The following VILL variants were observed in gnomAD, a reference collection of about 807,000 sequenced individuals.
VILL encodes the protein villin-like protein.
VILL carries 102 observed loss-of-function variants against 106.3 expected under a neutral mutation model. The observed-to-expected ratio is 0.96, with a 90% CI of 0.82 to 1.13. The LOEUF (loss-of-function observed/expected upper bound fraction) is 1.13. Among genes scored for constraint, VILL ranks in the 50% most tolerant of loss-of-function variants. The pLI, the probability that VILL is intolerant of heterozygous loss-of-function variation, is 0.00. For synonymous variants in VILL, 431 were observed against 440.3 expected (o/e 0.98, Z 0.27); for missense variants, 1,076 against 1,116.6 (o/e 0.96, Z 0.52).
Position 38,006,925 on chromosome 3 carries a change from C to T in VILL, c.2458-17C>T, listed in dbSNP as rs373578988. ...ATGACACCCTACCCTGTACCTCCCCCTCTCTCCCCTGCCCAGTTCTATCTC... is the reference window on the plus strand; with the variant it reads ...ATGACACCCTACCCTGTACCTCCCCTTCTCTCCCCTGCCCAGTTCTATCTC... On this transcript the variant is annotated splice_polypyrimidine_tract_variant and intron_variant, in intron 19 of 19. Transcript: ENST00000383759. The T allele has an allele frequency of 1.1e-4, 183 of 1,606,736 alleles. No individual in the cohort carries two copies. The highest frequency in any genetic ancestry group is 1.5e-4 in the Non-Finnish European group (175 of 1,173,830).
At chr3:37,989,321 G>T (rs1451203652), upstream of VILL, among the ~76,000 whole-genome samples, 2 of 152,186 alleles carry the variant, frequency 1.3e-5, no homozygotes, top group Non-Finnish European at 2.9e-5. Context: ...GACTTAGGCC[G>T]GGGCAAGGTT....
In VILL at chr3:37,993,624, A is replaced by T; in HGVS notation, c.-49A>T. The T allele has an allele frequency of 1.2e-5, 19 of 1,579,440 alleles. No individual in the cohort carries two copies. The highest frequency in any genetic ancestry group is 5.1e-5 in the Admixed American group (3 of 58,374). On this transcript the variant is annotated 5_prime_UTR_variant, in exon 2 of 20. Transcript: ENST00000383759. ...CCAGGTGTCGGTCTCCAGCCTGAGAACTCTGGCTGTTGTTCCTTGTGTCGT... is the reference window on the plus strand; with the variant it reads ...CCAGGTGTCGGTCTCCAGCCTGAGATCTCTGGCTGTTGTTCCTTGTGTCGT...
chr3:37,991,866 G>A (rs1284493002), intron 1 of VILL, among the ~76,000 whole-genome samples: 2 of 152,046 alleles, frequency 1.3e-5, no homozygotes, highest in African/African-American at 4.8e-5. Context: ...TGTGGGGAGG[G>A]AGGAGGCCCC....
At chr3:37,988,559 C>T (rs777652262), upstream of VILL, among the ~76,000 whole-genome samples, 4 of 152,126 alleles carry the variant, frequency 2.6e-5, no homozygotes, top group Admixed American at 6.5e-5. Flanking sequence ...ACCACAGAAC[C>T]GTATACTTAA....
intron 11 of VILL, chr3:38,001,178 C>T: frequency 1.8e-6 from 1 of 558,722 alleles, no homozygotes; most frequent in East Asian, 3.2e-5. Flanking sequence ...AGGGTTGTGG[C>T]TGGTGGGGTT....
chr3:38,003,103 G>C (rs1481397945), intron 14 of VILL, 65 bp from the exon 15 acceptor site: 1 of 1,574,602 alleles, frequency 6.4e-7, no homozygotes, highest in East Asian at 2.2e-5. Flanking sequence ...CCTGTGAACG[G>C]GACGTGGGGC....
At position 37,997,456 on chromosome 3, in the gene VILL, C is replaced by T. The variant is rs1199384449; in HGVS notation, c.562-27C>T. The T allele has an allele frequency of 6.2e-7, 1 of 1,610,016 alleles. No individual in the cohort carries two copies. The highest frequency in any genetic ancestry group is 8.5e-7 in the Non-Finnish European group (1 of 1,179,062). On this transcript the variant is annotated intron_variant, in intron 6 of 19. Transcript: ENST00000383759. The surrounding 1 kb of genome is among the most constrained non-coding windows in gnomAD (Gnocchi z 4.7). ...GCTGTGAGAGGGCACACTGGTGACA[C>T]CCTGACTCCCAGGTCCTCTCCCGCA...
rs1285119524 is a variant in VILL at position 37,999,352 on chromosome 3, T to C, written c.1095T>C (p.His365=). 1 of 1,515,608 alleles carries C rather than the reference T, an allele frequency of 6.6e-7. No homozygotes were observed. Among genetic ancestry groups the C allele is most frequent in the Non-Finnish European group, 8.8e-7 (1 of 1,134,314 alleles). 93.9% of individuals were successfully genotyped at this position (1,515,608 alleles called of 1,614,324 possible). A position where few individuals can be genotyped will look rare whatever the true frequency, so the allele number is the denominator to read the frequency against. The stretch of plus-strand genomic sequence containing the variant: ...TCCCCCCTTCAGATAAATCGATTCA[T>C]GTAAAGCTGGACGTGGGCAAGCTGC... ...QKLGGRDKSI[H]VKLDVGKLHT... is the part of the protein sequence containing the mutation. The change falls in exon 11 of 20, where the codon CAT becomes CAC. Residue 365 remains histidine (H), a synonymous_variant. Transcript: ENST00000383759.
chr3:37,999,309 C>T (rs1046014675), intron 10 of VILL, 30 bp from the exon 11 acceptor site: 3 of 1,471,146 alleles, frequency 2.0e-6, no homozygotes, highest in Non-Finnish European at 2.7e-6. Flanking sequence ...GGGCAGAGGG[C>T]GCCACTGACG....
Position 38,002,324 on chromosome 3 carries a change from A to G in VILL, c.1480-72A>G, listed in dbSNP as rs549769108. On this transcript the variant is annotated intron_variant, in intron 13 of 19. Coordinates refer to ENST00000383759, the MANE Select transcript of VILL (RefSeq NM_015873.4). ...GCAAGGGTCCCTGAGCTCTGAGGCA[A>G]TATGTCCCACACTGGGACAGGAAGG... The G allele has an allele frequency of 7.6e-6, 11 of 1,440,006 alleles. No individual in the cohort carries two copies. In the South Asian group the frequency reaches 9.5e-5, roughly 12 times the overall value. The allele number at this position is 1,440,006 out of a possible 1,614,324, so 89.2% of individuals were successfully genotyped here.
At chr3:38,004,508 G>A (rs1038067838) in intron 16 of VILL, 109 bp downstream of exon 16, 2 of 1,441,636 alleles carry the variant, frequency 1.4e-6, no homozygotes, top group African/African-American at 1.4e-5. Flanking sequence ...AGGGCTGTGG[G>A]TGAGTCTGAC....
rs138976453 is a variant in VILL at position 38,004,293 on chromosome 3, T to C, written c.1844T>C (p.Phe615Ser). 5.0e-6 allele frequency: 8 copies of C among 1,613,664 alleles called. No homozygotes were observed. Among genetic ancestry groups the C allele is most frequent in the Admixed American group, 3.3e-5 (2 of 60,002 alleles). The change falls in exon 16 of 20, where the codon TTT becomes TCT. Residue 615 changes from phenylalanine (F) to serine (S), a missense_variant. Physicochemically the swap from Phe to Ser is radical, Grantham distance 155. Transcript: ENST00000383759. ...EEVPSFQPRL[F>S]ECSSHMGCLV... The stretch of plus-strand genomic sequence containing the variant: ...GTCCCCAGCTTCCAGCCACGACTGT[T>C]TGAGTGCTCCAGCCACATGGGCTGC...
chr3:38,000,659 G>A (rs952998006), intron 11 of VILL, among the ~76,000 whole-genome samples: 1 of 152,188 alleles, frequency 6.6e-6, no homozygotes, highest in Non-Finnish European at 1.5e-5. Context: ...GCAGAGACAG[G>A]GCCTGAGCCA....
chr3:38,006,630 T>C lies in VILL; in HGVS notation c.2387T>C (p.Leu796Pro), dbSNP rs555785707. The stretch of plus-strand genomic sequence containing the variant: ...ACCAGCGCCACGATCAACGGGGGCC[T>C]GCGCCGGGAACAACTGATGCACCAG... ...SSTSATINGG[L>P]RREQLMHQAV... is the part of the protein sequence containing the mutation. The change falls in exon 19 of 20, where the codon CTG becomes CCG. Residue 796 changes from leucine to proline, a missense_variant. Leu to Pro is a moderately conservative substitution (Grantham distance 98). Transcript: ENST00000383759. The C allele has an allele frequency of 5.6e-6, 9 of 1,613,876 alleles. No individual in the cohort carries two copies. Among genetic ancestry groups the C allele is most frequent in the Admixed American group, 3.3e-5 (2 of 60,026 alleles).
intron 1 of VILL, 189 bp downstream of exon 1, chr3:37,991,018 G>T (rs1246585500): frequency 6.6e-6 from 1 of 152,300 alleles, no homozygotes; most frequent in Non-Finnish European, 1.5e-5. Flanking sequence ...GCTGTGGCCG[G>T]CAGCCCAAGG....
At chr3:38,001,403 G>T (rs1018660317) in intron 11 of VILL, 53 bp from the exon 12 acceptor site, 1 of 1,601,610 alleles carries the variant, frequency 6.2e-7, no homozygotes, top group Non-Finnish European at 8.5e-7. Flanking sequence ...CAGGATGGGT[G>T]GGCTGGTTCA....
Position 37,997,705 on chromosome 3 carries a change from G to A in VILL, c.764+20G>A, listed in dbSNP as rs1053614767. ...GTACCAGTGAGTACCCCTGGGGTGG[G>A]CAGGGGTGGGTGGGACAGTCCAGGA... On this transcript the variant is annotated intron_variant, in intron 7 of 19. Coordinates refer to ENST00000383759, the MANE Select transcript of VILL (RefSeq NM_015873.4). This position sits in a 1 kb window ranked among gnomAD's most constrained non-coding sequence, Gnocchi z 4.7. 8.5e-6 allele frequency: 12 copies of A among 1,415,346 alleles called. No individual in the cohort carries two copies. The Admixed American group carries it at 1.7e-4, about 20-fold the overall frequency. The allele number at this position is 1,415,346 out of a possible 1,614,324, so 87.7% of individuals were successfully genotyped here. A position where few individuals can be genotyped will look rare whatever the true frequency, so the allele number is the denominator to read the frequency against.
intron 14 of VILL, 114 bp downstream of exon 14, chr3:38,002,689 G>C: frequency 8.1e-7 from 1 of 1,236,950 alleles, no homozygotes; most frequent in Non-Finnish European, 1.1e-6. Context: ...TAGGCCGATG[G>C]GGGGAATGGG....
Position 38,006,932 on chromosome 3 carries a change from C to T in VILL, c.2458-10C>T, listed in dbSNP as rs1431526190. Reference sequence around the variant, plus strand: ...CCTACCCTGTACCTCCCCCTCTCTCCCCTGCCCAGTTCTATCTCTCAGACT... The same window carrying T: ...CCTACCCTGTACCTCCCCCTCTCTCTCCTGCCCAGTTCTATCTCTCAGACT... On this transcript the variant is annotated splice_polypyrimidine_tract_variant and intron_variant, in intron 19 of 19. Transcript: ENST00000383759. 1.2e-6 allele frequency: 2 copies of T among 1,610,722 alleles called. No individual in the cohort carries two copies. Among genetic ancestry groups the T allele is most frequent in the South Asian group, 2.2e-5 (2 of 90,954 alleles).
Sources: allele counts gnomAD v4.1 joint callset (sites outside exome capture counted in the v4.1 genomes callset), GRCh38; gene constraint gnomAD v4.1.1; non-coding constraint Gnocchi (gnomAD v3.1); transcripts MANE v1.5; gene names NCBI Gene and HGNC (gene_info 2026-07-23, HGNC 2026-07-21).